Variants in ATP11B observed in about 807,000 individuals in gnomAD.
ATP11B encodes phospholipid-transporting ATPase IF.
ATP11B carries 81 observed loss-of-function variants against 157.8 expected under a neutral mutation model. That is an observed-to-expected ratio of 0.51 (90% CI 0.43 to 0.62). ATP11B has a LOEUF of 0.62. ATP11B is among the 20% of genes least tolerant of loss of function. The pLI is 0.00. For synonymous variants in ATP11B, 451 were observed against 469.4 expected, an observed-to-expected ratio of 0.96 and a Z score of 0.51; for missense variants, 1,165 against 1,402.2, an observed-to-expected ratio of 0.83 and a Z score of 2.70.
At chr3:182,896,650 A>G (rs1577093512) in intron 25 of ATP11B, 50 bp from the exon 26 acceptor site, 1 of 1,469,650 alleles carries the variant, frequency 6.8e-7, no homozygotes, top group Non-Finnish European at 9.5e-7. Context: ...TTTACCTGAC[A>G]TTTAACATTA....
At chr3:182,796,207 T>G (rs537362212) in intron 1 of ATP11B, among the ~76,000 whole-genome samples, 1 of 152,342 alleles carries the variant, frequency 6.6e-6, no homozygotes, top group South Asian at 2.1e-4. Context: ...GAATATCCTT[T>G]TTTGTTTTTC....
rs570174853 is a variant in ATP11B at position 182,867,412 on chromosome 3, T to G, written c.1656T>G (p.Thr552=). ...TGTTTATTGGCAATTCTGAAGAAAC[T>G]ATGGAGGTTAAAACTCTTGGAAAAC... ...GIVFIGNSEE[T]MEVKTLGKLE... Residue 552 remains threonine, a synonymous_variant, in exon 15 of 30, where the codon ACT becomes ACG. Coordinates refer to ENST00000323116, the MANE Select transcript of ATP11B (RefSeq NM_014616.3). 6.2e-6 allele frequency: 10 copies of G among 1,611,420 alleles called. No individual in the cohort carries two copies. The East Asian group carries it at 2.2e-4, about 36-fold the overall frequency.
intron 22 of ATP11B, among the ~76,000 whole-genome samples, chr3:182,885,200 A>G (rs1177138232): frequency 6.6e-6 from 1 of 152,160 alleles, no homozygotes. Flanking sequence ...TTTTTATGCC[A>G]TGAATGACCT....
At chr3:182,844,724 G>A (rs1213506105) in intron 8 of ATP11B, 1 of 174,004 alleles carries the variant, frequency 5.7e-6, no homozygotes, top group Non-Finnish European at 1.1e-5. Flanking sequence ...TATAGTTTAT[G>A]TTTACGTTGT....
At chr3:182,905,810 G>T (rs144246565) in intron 28 of ATP11B, 1 of 456,742 alleles carries the variant, frequency 2.2e-6, no homozygotes, top group Non-Finnish European at 4.4e-6. Flanking sequence ...GAAGATAAGG[G>T]TTCAGTCAGC....
intron 23 of ATP11B, among the ~76,000 whole-genome samples, chr3:182,887,291 C>G (rs1722862678): frequency 2.0e-5 from 3 of 152,160 alleles, no homozygotes; most frequent in African/African-American, 4.8e-5. Context: ...TGTAAAATTA[C>G]TTCACAGTGA....
Position 182,918,907 on chromosome 3 carries a change from T to C in ATP11B, c.*803T>C, listed in dbSNP as rs1310091810. ...TTAGATACTATTAGCATATTATTAATTTAATGTCTTTATCATTGGATCTTT... is the reference window on the plus strand; with the variant it reads ...TTAGATACTATTAGCATATTATTAACTTAATGTCTTTATCATTGGATCTTT... On this transcript the variant is annotated 3_prime_UTR_variant, in exon 30 of 30. Coordinates refer to ENST00000323116, the MANE Select transcript of ATP11B (RefSeq NM_014616.3). 1 of 152,224 alleles carries C rather than the reference T, an allele frequency of 6.6e-6. No homozygotes were observed. The highest frequency in any genetic ancestry group is 1.5e-5 in the Non-Finnish European group (1 of 68,040). The allele number at this position is 152,224 out of a possible 1,614,324, so 9.4% of individuals were successfully genotyped here.
At chr3:182,843,012 C>A (rs144867154) in intron 8 of ATP11B, among the ~76,000 whole-genome samples, 37 of 152,322 alleles carry the variant, frequency 2.4e-4, no homozygotes, top group African/African-American at 8.7e-4. Flanking sequence ...AGCAAACAGA[C>A]AGCTTCACTC....
intron 28 of ATP11B, among the ~76,000 whole-genome samples, chr3:182,911,825 GA>G (rs2108595595): frequency 6.6e-6 from 1 of 152,312 alleles, no homozygotes; most frequent in East Asian, 1.9e-4. Flanking sequence ...CAGTGAAATA[GA>G]ATCAGAGAAA....
chr3:182,846,129 G>A (rs1719502239), intron 9 of ATP11B, among the ~76,000 whole-genome samples: 1 of 152,164 alleles, frequency 6.6e-6, no homozygotes, highest in African/African-American at 2.4e-5. Flanking sequence ...TTAGCTGTTA[G>A]CTAGCTCCTC....
At chr3:182,907,508 A>G (rs9870313) in intron 28 of ATP11B, among the ~76,000 whole-genome samples, 8,404 of 152,314 alleles carry the variant, frequency 0.055, 787 homozygotes, top group African/African-American at 0.19. Context: ...GTTATTAAAT[A>G]TCATCAGTTG....
At position 182,859,142 on chromosome 3, in the gene ATP11B, A is replaced by G; in HGVS notation, c.1003-20A>G. Reference sequence around the variant, plus strand: ...TCTAGTTTATTTTTTCTTTTCAAACAATTATTTCCTTTTTTCTAGATTCTG... The same window carrying G: ...TCTAGTTTATTTTTTCTTTTCAAACGATTATTTCCTTTTTTCTAGATTCTG... On this transcript the variant is annotated intron_variant, in intron 11 of 29. Coordinates refer to ENST00000323116, the MANE Select transcript of ATP11B (RefSeq NM_014616.3). The G allele has an allele frequency of 1.3e-6, 2 of 1,556,732 alleles. No individual in the cohort carries two copies. The highest frequency in any genetic ancestry group is 2.4e-5 in the South Asian group (2 of 84,420).
chr3:182,829,883 A>C, intron 4 of ATP11B, 131 bp downstream of exon 4: 1 of 1,427,726 alleles, frequency 7.0e-7, no homozygotes, highest in South Asian at 1.6e-5. Flanking sequence ...TCTGATACGT[A>C]GTAAAATTAA....
chr3:182,869,999 T>C (rs1721532261), intron 17 of ATP11B, among the ~76,000 whole-genome samples: 1 of 151,932 alleles, frequency 6.6e-6, no homozygotes, highest in Non-Finnish European at 1.5e-5. Context: ...AAAGAGGCAG[T>C]CAAAAAAGGC....
intron 19 of ATP11B, among the ~76,000 whole-genome samples, chr3:182,874,415 A>G (rs925040585): frequency 2.0e-5 from 3 of 152,226 alleles, no homozygotes; most frequent in Admixed American, 6.5e-5. Context: ...AGTGCCATGC[A>G]TAGCACCATG....
chr3:182,808,388 G>A (rs1040291744), intron 1 of ATP11B, among the ~76,000 whole-genome samples: 1 of 152,112 alleles, frequency 6.6e-6, no homozygotes, highest in South Asian at 2.1e-4. Flanking sequence ...TTTATGCAAA[G>A]TTAAAGGGAA....
rs1718494593 is a variant in ATP11B, at chr3:182,835,668, T to A, written c.316-367T>A. On this transcript the variant is annotated intron_variant, in intron 4 of 29. Coordinates refer to ENST00000323116, the MANE Select transcript of ATP11B (RefSeq NM_014616.3). ...TTCAAAAGAGATATATGGCTGGAGATACACATTTTGGAATTACCAGCATAT... is the reference window on the plus strand; with the variant it reads ...TTCAAAAGAGATATATGGCTGGAGAAACACATTTTGGAATTACCAGCATAT... Among the ~76,000 whole-genome samples the A allele has an allele frequency of 1.3e-5, 2 of 151,956 alleles. 1 individual carries two copies. The highest frequency in any genetic ancestry group is 4.1e-4 in the South Asian group (2 of 4,820).
At chr3:182,917,068 C>T (rs1417736205) in intron 29 of ATP11B, 30 of 985,058 alleles carry the variant, frequency 3.0e-5, no homozygotes, top group Non-Finnish European at 3.5e-5. Flanking sequence ...AGAAACTAGT[C>T]GAATTAAAGT....
chr3:182,897,288 A>G lies in ATP11B; in HGVS notation c.3049-15A>G. ...ATTTGTTTATATTTCTAAGGATATA[A>G]AAACTTTTTTTTAGATGGCTCTGGA... On this transcript the variant is annotated splice_polypyrimidine_tract_variant and intron_variant, in intron 26 of 29. Coordinates refer to ENST00000323116, the MANE Select transcript of ATP11B (RefSeq NM_014616.3). 1 of 1,495,610 alleles carries G rather than the reference A, an allele frequency of 6.7e-7. No individual in the cohort carries two copies. Among genetic ancestry groups the G allele is most frequent in the Non-Finnish European group, 9.0e-7 (1 of 1,113,064 alleles). 92.6% of individuals were successfully genotyped at this position (1,495,610 alleles called of 1,614,324 possible).
Sources: allele counts gnomAD v4.1 joint callset (sites outside exome capture counted in the v4.1 genomes callset), GRCh38; gene constraint gnomAD v4.1.1; transcripts MANE v1.5; gene names NCBI Gene and HGNC (gene_info 2026-07-23, HGNC 2026-07-21).